CCDC102B: variants seen among roughly 807,000 people sequenced by gnomAD.
CCDC102B encodes the protein coiled-coil domain containing 102B, also known as coiled-coil domain-containing protein 102B.
Under a neutral mutation model 57.4 loss-of-function variants are expected in CCDC102B, and 75 were observed. The ratio of observed to expected loss-of-function variants is 1.31; its 90% CI spans 1.08 to 1.58. The LOEUF (loss-of-function observed/expected upper bound fraction) is 1.58, where lower values mean the gene tolerates loss of function less well. CCDC102B is among the 40% of genes most tolerant of loss of function. CCDC102B has a pLI of 0.00. For synonymous variants in CCDC102B, 206 were observed against 201.9 expected, an observed-to-expected ratio of 1.02 and a Z score of -0.17; for missense variants, 636 against 582.6, an observed-to-expected ratio of 1.09 and a Z score of -0.94.
At chr18:68,810,914 G>A (rs1000880778) in intron 1 of CCDC102B, among the ~76,000 whole-genome samples, 1 of 151,828 alleles carries the variant, frequency 6.6e-6, no homozygotes, top group African/African-American at 2.4e-5. Flanking sequence ...TTTTCTCATT[G>A]TTCAGCTCCC....
intron 5 of CCDC102B, among the ~76,000 whole-genome samples, chr18:68,875,976 G>A (rs1423220318): frequency 6.6e-6 from 1 of 152,018 alleles, no homozygotes; most frequent in East Asian, 1.9e-4. Flanking sequence ...TTATGAGAAA[G>A]GCTGAACTGT....
At chr18:68,804,864 C>CTTTT (rs202008892) in intron 1 of CCDC102B, among the ~76,000 whole-genome samples, 8 of 140,832 alleles carry the variant, frequency 5.7e-5, no homozygotes, top group African/African-American at 5.2e-5. Context: ...GGATCAAAAT[C>CTTTT]TTTTTTTTTT....
chr18:68,912,770 T>C (rs1166321078), intron 6 of CCDC102B, among the ~76,000 whole-genome samples: 1 of 152,240 alleles, frequency 6.6e-6, no homozygotes, highest in African/African-American at 2.4e-5. Context: ...GGCCAAGTAA[T>C]ACTCTTTGTA....
chr18:68,968,458 A>G (rs2050215904), intron 6 of CCDC102B, among the ~76,000 whole-genome samples: 1 of 152,148 alleles, frequency 6.6e-6, no homozygotes, highest in Non-Finnish European at 1.5e-5. Context: ...CAAAATTCAA[A>G]ATCCATTTTA....
chr18:69,027,156 G>A (rs2052015397), intron 7 of CCDC102B, among the ~76,000 whole-genome samples: 1 of 152,182 alleles, frequency 6.6e-6, no homozygotes, highest in Admixed American at 6.5e-5. Context: ...GTTTTGAAAT[G>A]ACTCCTCACA....
intron 4 of CCDC102B, among the ~76,000 whole-genome samples, chr18:68,864,690 T>C (rs988719847): frequency 6.6e-6 from 1 of 152,052 alleles, no homozygotes; most frequent in African/African-American, 2.4e-5. Context: ...CTTCTGTCCT[T>C]AAAAAGATCA....
intron 4 of CCDC102B, among the ~76,000 whole-genome samples, chr18:68,863,926 A>T (rs1442964636): frequency 6.6e-6 from 1 of 151,954 alleles, no homozygotes; most frequent in African/African-American, 2.4e-5. Flanking sequence ...GAATGACAAG[A>T]TATACTGGAA....
intron 6 of CCDC102B, among the ~76,000 whole-genome samples, chr18:68,979,076 G>T (rs1163356073): frequency 1.3e-5 from 2 of 152,086 alleles, no homozygotes; most frequent in African/African-American, 2.4e-5. Context: ...GGGAAAGGCT[G>T]CAGTATCGTC....
At position 68,837,145 on chromosome 18, in the gene CCDC102B, G is replaced by C. The variant is rs544688546; in HGVS notation, c.382G>C (p.Glu128Gln). ...EEGRQLRIKL[E>Q]MAMKELSTLK... is the part of the protein sequence containing the mutation. ...AGGAAGACAACTCAGAATAAAACTA[G>C]AGATGGCGATGAAAGAATTGAGTAC... is the stretch of plus-strand genomic sequence containing the variant. Residue 128 changes from glutamate (E) to glutamine (Q), a missense_variant, in exon 2 of 8, where the codon GAG becomes CAG. Glu to Gln is a conservative substitution (Grantham distance 29). Coordinates refer to ENST00000360242, the MANE Select transcript of CCDC102B (RefSeq NM_024781.3). 39 of 1,613,932 alleles carry C rather than the reference G, an allele frequency of 2.4e-5. No homozygotes were observed. Among genetic ancestry groups the C allele is most frequent in the Non-Finnish European group, 2.9e-5 (34 of 1,179,964 alleles).
chr18:68,739,462 G>A lies in CCDC102B; in HGVS notation c.-67+22868G>A, dbSNP rs183000365. On this transcript the variant is annotated intron_variant, in intron 2 of 3. Coordinates refer to the CCDC102B transcript ENST00000578970. ...TAGGACAGATACCTGTTCACTACTG[G>A]CAGGTGACATGAGAGTCTAGGTCAA... Among the ~76,000 whole-genome samples, 41 of 152,262 alleles carry A rather than the reference G, an allele frequency of 2.7e-4. No individual in the cohort carries two copies. In the East Asian group the frequency reaches 7.5e-3, roughly 28 times the overall value.
intron 6 of CCDC102B, among the ~76,000 whole-genome samples, chr18:68,956,379 T>TAA (rs2049859979): frequency 2.6e-5 from 1 of 38,824 alleles, no homozygotes; most frequent in Non-Finnish European, 4.3e-5. Context: ...ATAAAATGTA[T>TAA]AATATATAAT....
chr18:69,003,328 T>A (rs2051256697), intron 6 of CCDC102B, among the ~76,000 whole-genome samples: 1 of 152,182 alleles, frequency 6.6e-6, no homozygotes, highest in South Asian at 2.1e-4. Flanking sequence ...ATGTGCAATG[T>A]TTTTCTCTTT....
chr18:68,803,015 A>T (rs1240465442), intron 1 of CCDC102B, among the ~76,000 whole-genome samples: 2 of 152,230 alleles, frequency 1.3e-5, no homozygotes, highest in Non-Finnish European at 2.9e-5. Context: ...TTATTTAAGT[A>T]CTTGGAAGAA....
intron 6 of CCDC102B, among the ~76,000 whole-genome samples, chr18:68,902,429 A>G (rs534811026): frequency 1.3e-5 from 2 of 152,354 alleles, no homozygotes; most frequent in African/African-American, 4.8e-5. Flanking sequence ...TGGATTCCCT[A>G]GTATCTCTCA....
At chr18:68,970,811 T>C (rs2145258611) in intron 6 of CCDC102B, among the ~76,000 whole-genome samples, 1 of 152,154 alleles carries the variant, frequency 6.6e-6, no homozygotes, top group East Asian at 1.9e-4. Flanking sequence ...GAATCTGTAA[T>C]AATTGGGAAG....
intron 2 of CCDC102B, among the ~76,000 whole-genome samples, chr18:68,759,321 A>T (rs1171302749): frequency 6.6e-6 from 1 of 152,128 alleles, no homozygotes; most frequent in African/African-American, 2.4e-5. Context: ...ATTTTATAGG[A>T]ACTTAAAGAA....
intron 6 of CCDC102B, among the ~76,000 whole-genome samples, chr18:68,912,585 T>A (rs933623409): frequency 6.6e-6 from 1 of 152,236 alleles, no homozygotes; most frequent in African/African-American, 2.4e-5. Flanking sequence ...ATTTATATGA[T>A]GACAGTGTCT....
At chr18:69,005,387 T>A (rs1166100040) in intron 6 of CCDC102B, among the ~76,000 whole-genome samples, 1 of 152,174 alleles carries the variant, frequency 6.6e-6, no homozygotes, top group African/African-American at 2.4e-5. Flanking sequence ...ATATTATTAA[T>A]GCACATCTTT....
intron 1 of CCDC102B, among the ~76,000 whole-genome samples, chr18:68,819,399 T>A (rs1389176528): frequency 6.6e-6 from 1 of 152,058 alleles, no homozygotes; most frequent in Non-Finnish European, 1.5e-5. Context: ...GAGATGTAGA[T>A]CCATGTTCGG....
Sources: allele counts gnomAD v4.1 joint callset (sites outside exome capture counted in the v4.1 genomes callset), GRCh38; gene constraint gnomAD v4.1.1; transcripts MANE v1.5; gene names NCBI Gene and HGNC (gene_info 2026-07-23, HGNC 2026-07-21).